SLC15A5: variants seen among roughly 807,000 people sequenced by gnomAD.
SLC15A5 encodes the protein Peptide/histidine transporter ENSP00000340402.
Under a neutral mutation model 56.1 loss-of-function variants are expected in SLC15A5, and 58 were observed. That is an observed-to-expected ratio of 1.03 (90% CI 0.84 to 1.29). SLC15A5 has a LOEUF of 1.29. SLC15A5 is among the 50% of genes most tolerant of loss of function. SLC15A5 has a pLI of 0.00. For synonymous variants in SLC15A5, 264 were observed against 250.5 expected (o/e 1.05, Z -0.51); for missense variants, 681 against 672.1 (o/e 1.01, Z -0.15).
At chr12:16,192,258 GC>G (rs1863844865) in intron 8 of SLC15A5, among the ~76,000 whole-genome samples, 1 of 152,042 alleles carries the variant, frequency 6.6e-6, no homozygotes, top group African/African-American at 2.4e-5. Flanking sequence ...TTTCCTTCTT[GC>G]TTTGTTTCTT....
intron 7 of SLC15A5, among the ~76,000 whole-genome samples, chr12:16,195,023 G>T (rs1770514385): frequency 6.6e-6 from 1 of 151,988 alleles, no homozygotes; most frequent in African/African-American, 2.4e-5. Flanking sequence ...GGCTAACATG[G>T]AGATTTTCTT....
chr12:16,206,335 C>G (rs890737701), intron 7 of SLC15A5, among the ~76,000 whole-genome samples: 2 of 152,202 alleles, frequency 1.3e-5, no homozygotes, highest in Admixed American at 6.5e-5. Flanking sequence ...ATAGCAAGGT[C>G]TGCATATAAC....
At chr12:16,274,768 T>C (rs1478185089) in intron 1 of SLC15A5, among the ~76,000 whole-genome samples, 2 of 152,222 alleles carry the variant, frequency 1.3e-5, no homozygotes, top group East Asian at 1.9e-4. Flanking sequence ...GCAGGAACTA[T>C]TAGGAACAAG....
chr12:16,196,071 G>GT lies in SLC15A5; in HGVS notation c.1484-1619dup, dbSNP rs1326809252. 5.3e-5 allele frequency among the ~76,000 whole-genome samples: 8 copies of GT among 152,082 alleles called. No homozygotes were observed. The highest frequency in any genetic ancestry group is 1.2e-4 in the Non-Finnish European group (8 of 67,994). On this transcript the variant is annotated intron_variant, in intron 7 of 8. Coordinates refer to ENST00000344941, the MANE Select transcript of SLC15A5 (RefSeq NM_001170798.1). This position sits in a 1 kb window ranked among gnomAD's most constrained non-coding sequence, Gnocchi z 4.0. ...ATTATGCTATTAATTTGCAGTAGCT[G>GT]TGTGTGTCTTATTTATCCTTATATT...
intron 7 of SLC15A5, among the ~76,000 whole-genome samples, chr12:16,206,032 T>C (rs777156920): frequency 3.3e-5 from 5 of 152,222 alleles, no homozygotes; most frequent in African/African-American, 4.8e-5. Flanking sequence ...CTCTGCTTTA[T>C]CTGAGGCACG....
At chr12:16,257,310 A>C (rs1565672488) in intron 3 of SLC15A5, among the ~76,000 whole-genome samples, 1 of 152,184 alleles carries the variant, frequency 6.6e-6, no homozygotes, top group Non-Finnish European at 1.5e-5. Flanking sequence ...AGAAGAAGAA[A>C]AAGTGAGTGA....
intron 4 of SLC15A5, 81 bp downstream of exon 4, chr12:16,244,499 G>A (rs1864442545): frequency 7.8e-7 from 1 of 1,284,122 alleles, no homozygotes; most frequent in Admixed American, 2.0e-5. Context: ...CGCTCGTTGG[G>A]GAGAAAATTC....
Position 16,239,670 on chromosome 12 carries a change from A to G in SLC15A5, c.1162+11T>C. On this transcript the variant is annotated intron_variant, in intron 5 of 8. Transcript: ENST00000344941. ...CAAACGATTCGCATGAAATGGTTAA[A>G]TTGTACTTACTGATGCATGTTGACA... 4 of 1,533,870 alleles carry G rather than the reference A, an allele frequency of 2.6e-6. No homozygotes were observed. Among genetic ancestry groups the G allele is most frequent in the Non-Finnish European group, 3.5e-6 (4 of 1,145,326 alleles).
chr12:16,248,249 T>C lies in SLC15A5; in HGVS notation c.755-3449A>G, dbSNP rs1864482716. ...AAATAAGAAGTAGAATATATGCTTT[T>C]CAAGGTCAGGAGAGAGGTCAATATA... On this transcript the variant is annotated intron_variant, in intron 3 of 8. Coordinates refer to ENST00000344941, the MANE Select transcript of SLC15A5 (RefSeq NM_001170798.1). Among the ~76,000 whole-genome samples the C allele has an allele frequency of 1.3e-5, 2 of 152,084 alleles. 1 individual carries two copies. The highest frequency in any genetic ancestry group is 4.1e-4 in the South Asian group (2 of 4,828).
rs1441190623 is a variant in SLC15A5 at position 16,239,876 on chromosome 12, G to A, written c.976-9C>T. 7.2e-6 allele frequency: 11 copies of A among 1,534,770 alleles called. No individual in the cohort carries two copies. The highest frequency in any genetic ancestry group is 3.9e-5 in the Admixed American group (2 of 50,846). ...TAATATCCTGAAGGAATCTGTATTC[G>A]AGAGGGAAACATCCATGCATTAAGA... On this transcript the variant is annotated splice_polypyrimidine_tract_variant and intron_variant, in intron 4 of 8. Coordinates refer to ENST00000344941, the MANE Select transcript of SLC15A5 (RefSeq NM_001170798.1).
chr12:16,277,541 C>A lies in SLC15A5; in HGVS notation c.145G>T (p.Val49Leu), dbSNP rs768882382. 9.4e-5 allele frequency: 145 copies of A among 1,536,386 alleles called. No homozygotes were observed. The highest frequency in any genetic ancestry group is 1.2e-4 in the Non-Finnish European group (139 of 1,146,422). The change falls in exon 1 of 9, where the codon GTG (valine) becomes TTG (leucine). Residue 49 changes from valine to leucine, a missense_variant. Physicochemically the swap from Val to Leu is conservative, Grantham distance 32 (BLOSUM62 1). Coordinates refer to ENST00000344941, the MANE Select transcript of SLC15A5 (RefSeq NM_001170798.1). Reference protein sequence around the residue: ...KIQVGICLLLVELCERFTFFE... With the variant: ...KIQVGICLLLLELCERFTFFE... ...AACGTGAACCTCTCACACAGCTCCA[C>A]CAGAAGCAAGCAGATTCCAACCTGA...
intron 7 of SLC15A5, among the ~76,000 whole-genome samples, chr12:16,211,426 G>A (rs60443595): frequency 1.3e-5 from 2 of 152,180 alleles, no homozygotes; most frequent in South Asian, 2.1e-4. Flanking sequence ...CCCCTTTCCC[G>A]AATTTTGAGG....
At chr12:16,248,143 G>A (rs1228365337) in intron 3 of SLC15A5, among the ~76,000 whole-genome samples, 1 of 152,120 alleles carries the variant, frequency 6.6e-6, no homozygotes, top group African/African-American at 2.4e-5. Flanking sequence ...AGAAGCTGGT[G>A]TGTAGTTAGC....
At chr12:16,257,316 A>G (rs2136807072) in intron 3 of SLC15A5, among the ~76,000 whole-genome samples, 1 of 152,292 alleles carries the variant, frequency 6.6e-6, no homozygotes, top group South Asian at 2.1e-4. Flanking sequence ...AGAAAAAGTG[A>G]GTGAAGATGA....
At chr12:16,247,471 T>C (rs1864473490) in intron 3 of SLC15A5, among the ~76,000 whole-genome samples, 1 of 152,124 alleles carries the variant, frequency 6.6e-6, no homozygotes, top group Non-Finnish European at 1.5e-5. Flanking sequence ...TGATTCTTCT[T>C]TGTGGTGGGG....
intron 5 of SLC15A5, among the ~76,000 whole-genome samples, chr12:16,226,541 ATAAACT>A (rs1291895688): frequency 5.9e-5 from 9 of 152,174 alleles, no homozygotes; most frequent in African/African-American, 1.7e-4. Context: ...TGTTTTTGAA[ATAAACT>A]TAAAGTATTA....
At chr12:16,232,743 C>G (rs147075508) in intron 5 of SLC15A5, among the ~76,000 whole-genome samples, 52 of 152,056 alleles carry the variant, frequency 3.4e-4, no homozygotes, top group African/African-American at 1.2e-3. Context: ...TGACATAACC[C>G]CATCTCTACT....
chr12:16,221,565 A>G (rs1335183334), intron 6 of SLC15A5, among the ~76,000 whole-genome samples: 1 of 152,232 alleles, frequency 6.6e-6, no homozygotes. Context: ...AGGTGGAACA[A>G]CACGTGGAGA....
At chr12:16,228,278 G>A (rs545165439) in intron 5 of SLC15A5, among the ~76,000 whole-genome samples, 1 of 152,320 alleles carries the variant, frequency 6.6e-6, no homozygotes, top group South Asian at 2.1e-4. Flanking sequence ...GAGGATTGGG[G>A]AGGGACAGCA....
Sources: gnomAD v4.1 joint callset for allele counts (sites outside exome capture counted in the v4.1 genomes callset) on GRCh38, gnomAD v4.1.1 for gene constraint, Gnocchi (gnomAD v3.1) non-coding constraint, MANE v1.5 for transcripts, NCBI Gene and HGNC (gene_info 2026-07-23, HGNC 2026-07-21) for gene names.